Variants in ETFDH observed in about 807,000 individuals in gnomAD.
ETFDH encodes electron transfer flavoprotein dehydrogenase, also known as electron transfer flavoprotein-ubiquinone oxidoreductase, mitochondrial.
A neutral mutation model predicts 73.2 loss-of-function variants in ETFDH; 61 were observed. The ratio of observed to expected loss-of-function variants is 0.83; its 90% CI spans 0.68 to 1.03. ETFDH has a LOEUF of 1.03. Ranked by LOEUF, ETFDH falls within the 50% of genes least tolerant of loss-of-function variation. The probability of loss-of-function intolerance (pLI) is 0.00; values close to 1 mark genes in which losing one functional copy is unlikely to be tolerated. For missense variants in ETFDH, 685 were observed against 745.0 expected (o/e 0.92, Z 0.94); for synonymous variants, 243 against 253.3 (o/e 0.96, Z 0.39).
chr4:158,708,611 C>T lies in ETFDH; in HGVS notation c.*84C>T. ...TAACAGATTTCAGAATGTCTTTCTG[C>T]ATATTACTGAACAGAATAGTCACAA... is the stretch of plus-strand genomic sequence containing the variant. On this transcript the variant is annotated 3_prime_UTR_variant, in exon 13 of 13. Coordinates refer to ENST00000511912, the MANE Select transcript of ETFDH (RefSeq NM_004453.4). 2.7e-6 allele frequency: 3 copies of T among 1,105,614 alleles called. No homozygotes were observed. The South Asian group carries it at 3.8e-5, about 14-fold the overall frequency. The allele number at this position is 1,105,614 out of a possible 1,614,324, so 68.5% of individuals were successfully genotyped here.
intron 5 of ETFDH, among the ~76,000 whole-genome samples, 153 bp downstream of exon 5, chr4:158,685,372 A>G (rs942701159): frequency 5.3e-5 from 8 of 152,244 alleles, no homozygotes; most frequent in Non-Finnish European, 1.2e-4. Context: ...TATCTAATCC[A>G]AAGAGTACTT....
rs376263577 is a variant in ETFDH, at chr4:158,682,377, G to C, written c.358G>C (p.Asp120His). Residue 120 changes from aspartate (D) to histidine (H), a missense_variant, in exon 3 of 13, where the codon GAT (aspartate) becomes CAT (histidine). Asp to His is a moderately conservative substitution (Grantham distance 81). Transcript: ENST00000511912. The stretch of plus-strand genomic sequence containing the variant: ...TCATACTCTCTCAGGGGCTTGCCTT[G>C]ATCCAGGTGCTTTTAAAGAACTCTT... ...GAHTLSGACL[D>H]PGAFKELFPD... 1.9e-5 allele frequency: 31 copies of C among 1,614,022 alleles called. No individual in the cohort carries two copies. The highest frequency in any genetic ancestry group is 2.5e-5 in the Non-Finnish European group (29 of 1,180,028).
At position 158,680,557 on chromosome 4, in the gene ETFDH, T is replaced by C. The variant is rs1773827794; in HGVS notation, c.125T>C (p.Ile42Thr). The change falls in exon 2 of 13, where the codon ATT (isoleucine) becomes ACT (threonine). Residue 42 changes from isoleucine to threonine, a missense_variant. This residue lies in a region of ETFDH where 405 missense variants were observed against 399.3 expected (regional missense o/e 1.01). Coordinates refer to ENST00000511912, the MANE Select transcript of ETFDH (RefSeq NM_004453.4). ...TCTTCAACTTCTACTGTGCCTCGAA[T>C]TACTACCCATTATACTATTTATCCC... Reference protein sequence around the residue: ...RWSSTSTVPRITTHYTIYPRD... With the variant: ...RWSSTSTVPRTTTHYTIYPRD... 1.9e-6 allele frequency: 3 copies of C among 1,608,028 alleles called. No homozygotes were observed. The highest frequency in any genetic ancestry group is 2.7e-5 in the African/African-American group (2 of 74,972).
chr4:158,681,869 C>T, intron 2 of ETFDH: 1 of 360,368 alleles, frequency 2.8e-6, no homozygotes, highest in Non-Finnish European at 5.2e-6. Flanking sequence ...GGCAAAATTG[C>T]CTAACGATGC....
intron 10 of ETFDH, among the ~76,000 whole-genome samples, chr4:158,704,006 G>A (rs1211063634): frequency 1.3e-5 from 2 of 152,220 alleles, no homozygotes; most frequent in Non-Finnish European, 2.9e-5. Flanking sequence ...GGCTGAGGCA[G>A]AAGAATCACT....
chr4:158,706,420 T>G, intron 11 of ETFDH, 49 bp downstream of exon 11: 1 of 1,403,950 alleles, frequency 7.1e-7, no homozygotes, highest in South Asian at 1.2e-5. Flanking sequence ...AATTCATGAA[T>G]GGGATCTGTT....
At position 158,708,950 on chromosome 4, in the gene ETFDH, T is replaced by C. The variant is rs879330619; in HGVS notation, c.*423T>C. The C allele has an allele frequency of 6.0e-5, 12 of 200,232 alleles. No individual in the cohort carries two copies. Among genetic ancestry groups the C allele is most frequent in the Non-Finnish European group, 6.1e-5 (6 of 97,910 alleles). 12.4% of individuals were successfully genotyped at this position (200,232 alleles called of 1,614,324 possible). ...GCAGGTGAGTGGGTGTGACATTACA[T>C]GGTCTACAAAGCCTAAAAACTTTAT... On this transcript the variant is annotated 3_prime_UTR_variant, in exon 13 of 13. Coordinates refer to ENST00000511912, the MANE Select transcript of ETFDH (RefSeq NM_004453.4).
chr4:158,694,776 C>A (rs1014230868), intron 6 of ETFDH, among the ~76,000 whole-genome samples: 1 of 151,868 alleles, frequency 6.6e-6, no homozygotes, highest in Non-Finnish European at 1.5e-5. Flanking sequence ...ATGATAATAT[C>A]AATTTTAAAA....
At chr4:158,703,225 AG>A (rs1774511502) in intron 9 of ETFDH, among the ~76,000 whole-genome samples, 197 bp from the exon 10 acceptor site, 1 of 152,200 alleles carries the variant, frequency 6.6e-6, no homozygotes, top group Non-Finnish European at 1.5e-5. Flanking sequence ...AAATAGTAAT[AG>A]TCTTAATCCT....
rs568748187 is a variant in ETFDH at position 158,689,577 on chromosome 4, G to A, written c.607-771G>A. 1.1e-4 allele frequency among the ~76,000 whole-genome samples: 11 copies of A among 103,222 alleles called. No homozygotes were observed. In the East Asian group the frequency reaches 2.0e-3, roughly 19 times the overall value. The allele number at this position is 103,222 out of a possible 152,430, so 67.7% of individuals were successfully genotyped here. A position where few individuals can be genotyped will look rare whatever the true frequency, so the allele number is the denominator to read the frequency against. ...CTGCTGTTGATTTGTTCGTTTTCAGGATCTCAAATAAAACCTTCATATATA... is the reference window on the plus strand; with the variant it reads ...CTGCTGTTGATTTGTTCGTTTTCAGAATCTCAAATAAAACCTTCATATATA... On this transcript the variant is annotated intron_variant, in intron 5 of 12. Coordinates refer to ENST00000511912, the MANE Select transcript of ETFDH (RefSeq NM_004453.4).
chr4:158,685,016 T>C (rs1292377617), intron 4 of ETFDH, 85 bp from the exon 5 acceptor site: 55 of 824,830 alleles, frequency 6.7e-5, no homozygotes, highest in South Asian at 5.4e-4. Flanking sequence ...GAAATACATA[T>C]TGATTCGAAA....
Position 158,690,331 on chromosome 4 carries a change from T to G in ETFDH, c.607-17T>G, listed in dbSNP as rs199721423. ...GAATTCTAAGGTATTAATAAATTTG[T>G]TTTTTATCATTTTTAGGTCCTTTTT... is the stretch of plus-strand genomic sequence containing the variant. On this transcript the variant is annotated splice_polypyrimidine_tract_variant and intron_variant, in intron 5 of 12. Coordinates refer to ENST00000511912, the MANE Select transcript of ETFDH (RefSeq NM_004453.4). 1 of 1,462,190 alleles carries G rather than the reference T, an allele frequency of 6.8e-7. No homozygotes were observed. The highest frequency in any genetic ancestry group is 2.3e-5 in the East Asian group (1 of 44,142). 90.6% of individuals were successfully genotyped at this position (1,462,190 alleles called of 1,614,324 possible).
At chr4:158,704,973 C>T (rs1774568611) in intron 10 of ETFDH, among the ~76,000 whole-genome samples, 3 of 152,022 alleles carry the variant, frequency 2.0e-5, no homozygotes, top group Admixed American at 2.0e-4. Flanking sequence ...ACCAGCCATA[C>T]TTGAACTGTA....
rs1442158852 is a variant in ETFDH, at chr4:158,690,423, A to T, written c.682A>T (p.Lys228Ter). 6.5e-7 allele frequency: 1 copy of T among 1,541,808 alleles called. No individual in the cohort carries two copies. Among genetic ancestry groups the T allele is most frequent in the Non-Finnish European group, 9.0e-7 (1 of 1,114,000 alleles). Residue 228 changes from lysine to a stop codon, truncating the protein, a stop_gained and splice_region_variant, in exon 6 of 13, where the codon AAG becomes TAG. Transcript: ENST00000511912. LOFTEE classifies it high-confidence loss of function. ...DVGIQKDGAPKATFERGLELH... is the reference protein window; with the variant it reads ...DVGIQKDGAP ...AGGGATACAAAAGGATGGTGCACCA[A>T]AGGTAAACCTTTTTAATAGTTACGT...
In ETFDH at chr4:158,706,904, A is replaced by G. The variant is rs551375078; in HGVS notation, c.1690+54A>G. On this transcript the variant is annotated intron_variant, in intron 12 of 12. Coordinates refer to ENST00000511912, the MANE Select transcript of ETFDH (RefSeq NM_004453.4). ...TTGCTTTAAACATTTTAGGAATGTG[A>G]TTTTGTTCTTTTAAAAAATGATTTC... 44 of 1,207,764 alleles carry G rather than the reference A, an allele frequency of 3.6e-5. No individual in the cohort carries two copies. The South Asian group carries it at 5.3e-4, about 15-fold the overall frequency. The allele number at this position is 1,207,764 out of a possible 1,614,324, so 74.8% of individuals were successfully genotyped here.
chr4:158,704,607 TAC>T (rs1251239420), intron 10 of ETFDH, among the ~76,000 whole-genome samples: 1 of 152,198 alleles, frequency 6.6e-6, no homozygotes, highest in Non-Finnish European at 1.5e-5. Flanking sequence ...TACATTATAT[TAC>T]TTACTTGTTT....
intron 2 of ETFDH, among the ~76,000 whole-genome samples, chr4:158,680,986 CTG>C (rs1294479427): frequency 1.3e-5 from 2 of 152,150 alleles, no homozygotes; most frequent in Non-Finnish European, 1.5e-5. Flanking sequence ...TAATAAACGA[CTG>C]TTACTGGTTT....
intron 5 of ETFDH, 85 bp from the exon 6 acceptor site, chr4:158,690,263 T>A: frequency 1.3e-6 from 1 of 792,782 alleles, no homozygotes; most frequent in South Asian, 1.4e-5. Context: ...GTTCACCTTC[T>A]AAGAAACCTA....
Position 158,672,507 on chromosome 4 carries a change from GGT to G in ETFDH, c.34+19_34+20del, listed in dbSNP as rs758699194. ...CCTGCCTGGGTGAGAGGAAACGGGC[GGT>G]GGGGATAAGTGGAGGAGTTAGGGCA... On this transcript the variant is annotated intron_variant, in intron 1 of 12. Transcript: ENST00000511912. 6.2e-7 allele frequency: 1 copy of G among 1,613,958 alleles called. No individual in the cohort carries two copies. The highest frequency in any genetic ancestry group is 1.1e-5 in the South Asian group (1 of 91,070).
Sources: allele counts gnomAD v4.1 joint callset (sites outside exome capture counted in the v4.1 genomes callset), GRCh38; gene constraint gnomAD v4.1.1; regional missense constraint gnomAD v4.1.1; transcripts MANE v1.5; gene names NCBI Gene and HGNC (gene_info 2026-07-23, HGNC 2026-07-21).